Variants in CNKSR2 observed in about 807,000 individuals in gnomAD.
The protein encoded by CNKSR2 is connector enhancer of kinase suppressor of Ras 2.
In CNKSR2, 14 loss-of-function variants were observed where a neutral mutation model predicts 84.4. That is an observed-to-expected ratio of 0.17 (90% CI 0.11 to 0.26). The LOEUF (loss-of-function observed/expected upper bound fraction) is 0.26, where lower values mean the gene tolerates loss of function less well. CNKSR2 is among the 10% of genes least tolerant of loss of function. CNKSR2 has a pLI of 1.00. For synonymous variants in CNKSR2, 275 were observed against 277.9 expected (o/e 0.99, Z 0.10); for missense variants, 485 against 771.2 (o/e 0.63, Z 4.40).
At chrX:21,515,183 T>C (rs1387458012) in intron 8 of CNKSR2, among the ~76,000 whole-genome samples, 1 of 111,453 alleles carries the variant, frequency 9.0e-6, no homozygotes, top group Non-Finnish European at 1.9e-5. Flanking sequence ...AATTCAGCTA[T>C]AGTTGAGGTT....
intron 20 of CNKSR2, among the ~76,000 whole-genome samples, chrX:21,627,237 A>C (rs1218417918): frequency 1.8e-5 from 2 of 111,076 alleles, no homozygotes; most frequent in Non-Finnish European, 3.8e-5. Context: ...TCACACCTGT[A>C]ATCCCAGCAC....
At chrX:21,534,645 GAT>G (rs1167312494) in intron 11 of CNKSR2, among the ~76,000 whole-genome samples, 5 of 110,978 alleles carry the variant, frequency 4.5e-5, no homozygotes, top group African/African-American at 1.6e-4. Flanking sequence ...GGGGTGAGAT[GAT>G]ATCTCTTTGT....
At chrX:21,432,962 G>A (rs755679791) in intron 3 of CNKSR2, 148 bp downstream of exon 3, 1 of 496,091 alleles carries the variant, frequency 2.0e-6, no homozygotes, top group Non-Finnish European at 3.2e-6. Context: ...CAATATAGGG[G>A]TATTAAATAG....
At chrX:21,567,795 G>GGTTGTGTGTGT (rs1165907858) in intron 13 of CNKSR2, among the ~76,000 whole-genome samples, 1 of 90,132 alleles carries the variant, frequency 1.1e-5, no homozygotes, top group African/African-American at 4.0e-5. Flanking sequence ...GTTTTTGTGT[G>GGTTGTGTGTGT]GTGTGTGTGT....
At chrX:21,566,786 A>G (rs2092242978) in intron 13 of CNKSR2, among the ~76,000 whole-genome samples, 1 of 111,666 alleles carries the variant, frequency 9.0e-6, no homozygotes, top group Non-Finnish European at 1.9e-5. Flanking sequence ...TATAGTCTTC[A>G]CTGTTCTGTT....
intron 9 of CNKSR2, among the ~76,000 whole-genome samples, chrX:21,520,593 T>A: frequency 9.1e-6 from 1 of 110,375 alleles, no homozygotes; most frequent in East Asian, 2.8e-4. Context: ...TTTCTTCTTA[T>A]GAGAGATGTA....
chrX:21,568,661 T>C (rs2092260564), intron 13 of CNKSR2, among the ~76,000 whole-genome samples: 1 of 111,778 alleles, frequency 8.9e-6, no homozygotes, highest in African/African-American at 3.3e-5. Context: ...TTTTTTAATT[T>C]AGCAAGTAAA....
intron 5 of CNKSR2, among the ~76,000 whole-genome samples, chrX:21,489,074 C>G (rs995988968): frequency 2.7e-5 from 3 of 111,644 alleles, no homozygotes; most frequent in Admixed American, 9.5e-5. Flanking sequence ...AAGAATGCAA[C>G]CTTTTGTCTG....
At chrX:21,462,528 T>C (rs1417075076) in intron 4 of CNKSR2, among the ~76,000 whole-genome samples, 1 of 111,052 alleles carries the variant, frequency 9.0e-6, no homozygotes, top group Non-Finnish European at 1.9e-5. Context: ...ACTTTATTTA[T>C]TTCTGTTGCC....
intron 4 of CNKSR2, chrX:21,441,199 C>G (rs1046671375): frequency 9.0e-6 from 1 of 111,516 alleles, no homozygotes; most frequent in African/African-American, 3.3e-5. Context: ...GGAACATATC[C>G]CATATCCAAA....
intron 17 of CNKSR2, among the ~76,000 whole-genome samples, chrX:21,597,865 A>C (rs1170552314): frequency 1.8e-5 from 2 of 109,941 alleles, no homozygotes; most frequent in African/African-American, 6.6e-5. Flanking sequence ...CCTACTTCTT[A>C]TGAAAATACA....
At chrX:21,614,585 T>TA (rs11372410) in intron 20 of CNKSR2, among the ~76,000 whole-genome samples, 10,257 of 110,111 alleles carry the variant, frequency 0.093, 1,113 homozygotes, top group African/African-American at 0.31. Flanking sequence ...AATATGTATT[T>TA]AAAAAAAACA....
rs1024350307 is a variant in CNKSR2, at chrX:21,472,200, C to A, written c.561+1393C>A. 3.6e-5 allele frequency among the ~76,000 whole-genome samples: 4 copies of A among 111,741 alleles called. No homozygotes were observed. In the Admixed American group the frequency reaches 3.8e-4, roughly 11 times the overall value. On this transcript the variant is annotated intron_variant, in intron 5 of 21. Coordinates refer to ENST00000379510, the MANE Select transcript of CNKSR2 (RefSeq NM_014927.5). ...TAAGGAGCATGCACAGACCCTTTCC[C>A]ACCTACATTTTATTTTCTGTGAGTG... is the stretch of plus-strand genomic sequence containing the variant.
chrX:21,521,651 G>A (rs1181262093), intron 9 of CNKSR2, among the ~76,000 whole-genome samples: 2 of 110,441 alleles, frequency 1.8e-5, no homozygotes, highest in African/African-American at 3.3e-5. Flanking sequence ...GATGGAAAAA[G>A]CCATTTTATA....
intron 13 of CNKSR2, 66 bp from the exon 14 acceptor site, chrX:21,590,506 T>C: frequency 9.7e-7 from 1 of 1,026,389 alleles, no homozygotes; most frequent in Non-Finnish European, 1.4e-6. Context: ...GAGTTCTGTG[T>C]AGCGTGCTGG....
intron 5 of CNKSR2, among the ~76,000 whole-genome samples, chrX:21,477,706 A>G (rs1267243436): frequency 8.9e-6 from 1 of 111,820 alleles, no homozygotes; most frequent in East Asian, 2.8e-4. Context: ...CATCTACATC[A>G]TATCATTTAT....
intron 18 of CNKSR2, among the ~76,000 whole-genome samples, chrX:21,602,617 T>C (rs2092490029): frequency 1.8e-5 from 2 of 111,970 alleles, no homozygotes; most frequent in South Asian, 7.5e-4. Context: ...GCAGGCCATA[T>C]AGTAGAGACT....
intron 17 of CNKSR2, among the ~76,000 whole-genome samples, chrX:21,600,484 T>A (rs1017870215): frequency 1.8e-5 from 2 of 111,905 alleles, no homozygotes; most frequent in Admixed American, 1.9e-4. Context: ...AAAGGGAAAT[T>A]TGCATGTTGT....
chrX:21,568,630 TG>T (rs2092259960), intron 13 of CNKSR2, among the ~76,000 whole-genome samples: 1 of 111,701 alleles, frequency 9.0e-6, no homozygotes, highest in East Asian at 2.8e-4. Flanking sequence ...GGGGTAGAAC[TG>T]TTAAAAAACA....
Sources: gnomAD v4.1 joint callset for allele counts (sites outside exome capture counted in the v4.1 genomes callset) on GRCh38, gnomAD v4.1.1 for gene constraint, MANE v1.5 for transcripts, NCBI Gene and HGNC (gene_info 2026-07-23, HGNC 2026-07-21) for gene names.